The following MAP3K7CL variants were observed in gnomAD, a reference collection of about 807,000 sequenced individuals.
MAP3K7CL encodes MAP3K7 C-terminal like.
MAP3K7CL carries 16 observed loss-of-function variants against 18.6 expected under a neutral mutation model. That is an observed-to-expected ratio of 0.86 (90% CI 0.58 to 1.31). MAP3K7CL has a LOEUF of 1.31. Ranked by LOEUF, MAP3K7CL falls within the 50% of genes most tolerant of loss-of-function variation. MAP3K7CL has a pLI of 0.00. For missense variants in MAP3K7CL, 163 were observed against 174.4 expected, an observed-to-expected ratio of 0.93 and a Z score of 0.37; for synonymous variants, 65 against 66.8, an observed-to-expected ratio of 0.97 and a Z score of 0.13.
intron 4 of MAP3K7CL, among the ~76,000 whole-genome samples, chr21:29,114,582 G>A (rs2086474330): frequency 6.6e-6 from 1 of 151,802 alleles, no homozygotes; most frequent in African/African-American, 2.4e-5. Flanking sequence ...GTAGAGACAG[G>A]TTCTTGCTAT....
In MAP3K7CL at chr21:29,174,580, G is replaced by A. The variant is rs142614316; in HGVS notation, c.249-132G>A. 2.4e-3 allele frequency: 2,678 copies of A among 1,100,824 alleles called. 80 individuals carry two copies. In the South Asian group the frequency reaches 0.028, roughly 11 times the overall value. The allele number at this position is 1,100,824 out of a possible 1,614,324, so 68.2% of individuals were successfully genotyped here. On this transcript the variant is annotated intron_variant, in intron 4 of 4. Coordinates refer to ENST00000399928, the MANE Select transcript of MAP3K7CL (RefSeq NM_001286620.2). Reference sequence around the variant, plus strand: ...AGCTGGACAAATAAAAGTCATTGGAGGCAAGTAGAGATGGGAAAAAATTCA... The same window carrying A: ...AGCTGGACAAATAAAAGTCATTGGAAGCAAGTAGAGATGGGAAAAAATTCA...
Position 29,155,017 on chromosome 21 carries a change from G to T in MAP3K7CL, c.133-4924G>T, listed in dbSNP as rs116408829. ...AATGACTTAAATATACTTTACTCCA[G>T]TGTAACATGATGTATAAGTTCTGTA... is the stretch of plus-strand genomic sequence containing the variant. On this transcript the variant is annotated intron_variant, in intron 3 of 4. Coordinates refer to ENST00000399928, the MANE Select transcript of MAP3K7CL (RefSeq NM_001286620.2). Among the ~76,000 whole-genome samples, 487 of 152,222 alleles carry T rather than the reference G, an allele frequency of 3.2e-3. 1 individual carries two copies. The highest frequency in any genetic ancestry group is 0.011 in the African/African-American group (441 of 41,530).
chr21:29,173,818 C>T (rs1007135918), intron 4 of MAP3K7CL, among the ~76,000 whole-genome samples: 6 of 152,198 alleles, frequency 3.9e-5, no homozygotes, highest in Non-Finnish European at 8.8e-5. Context: ...CCTCCTGCCA[C>T]AGCCTCCCGA....
intron 4 of MAP3K7CL, chr21:29,109,584 A>G: frequency 2.0e-6 from 2 of 1,012,012 alleles, no homozygotes; most frequent in Non-Finnish European, 1.2e-6. Context: ...TAAACTGCAC[A>G]TTTAATGTAA....
At chr21:29,112,602 G>A (rs1199362725) in intron 4 of MAP3K7CL, among the ~76,000 whole-genome samples, 1 of 151,478 alleles carries the variant, frequency 6.6e-6, no homozygotes, top group Non-Finnish European at 1.5e-5. Context: ...ATCAAGTTCA[G>A]TTTCTTTCTT....
chr21:29,165,129 A>G (rs2087653140), intron 4 of MAP3K7CL, among the ~76,000 whole-genome samples: 1 of 152,212 alleles, frequency 6.6e-6, no homozygotes, highest in South Asian at 2.1e-4. Context: ...AAAGTATATT[A>G]TTAAGCTACA....
chr21:29,137,287 C>A (rs776225166), intron 2 of MAP3K7CL, among the ~76,000 whole-genome samples: 1 of 152,142 alleles, frequency 6.6e-6, no homozygotes, highest in Non-Finnish European at 1.5e-5. Context: ...TCCTATTTTA[C>A]CTCTGGGCAA....
chr21:29,101,543 G>A (rs2086230392), intron 4 of MAP3K7CL, among the ~76,000 whole-genome samples: 1 of 152,094 alleles, frequency 6.6e-6, no homozygotes, highest in South Asian at 2.1e-4. Context: ...TGAGTAGTTG[G>A]GACTACAGGC....
chr21:29,159,136 G>T (rs2087479580), intron 3 of MAP3K7CL, among the ~76,000 whole-genome samples: 1 of 152,112 alleles, frequency 6.6e-6, no homozygotes, highest in Non-Finnish European at 1.5e-5. Flanking sequence ...GACCAGGCTG[G>T]TCTCGAATGC....
At chr21:29,162,678 T>G (rs954921451) in intron 4 of MAP3K7CL, among the ~76,000 whole-genome samples, 1 of 127,988 alleles carries the variant, frequency 7.8e-6, no homozygotes, top group Non-Finnish European at 1.6e-5. Context: ...AGCAAAACTC[T>G]GTCTCAAAAA....
chr21:29,101,500 C>T (rs1358743843), intron 4 of MAP3K7CL, among the ~76,000 whole-genome samples: 9 of 152,192 alleles, frequency 5.9e-5, no homozygotes, highest in Admixed American at 2.0e-4. Context: ...AGCTCCACCT[C>T]CCGGATTCAG....
At chr21:29,110,386 G>T (rs7278227) in intron 4 of MAP3K7CL, among the ~76,000 whole-genome samples, 3 of 151,430 alleles carry the variant, frequency 2.0e-5, no homozygotes, top group Non-Finnish European at 1.5e-5. Flanking sequence ...CTGTTGCTCC[G>T]TTTTTTATCT....
intron 2 of MAP3K7CL, chr21:29,139,463 CCGAAGTAATCTTCGGAT>C: frequency 6.6e-6 from 1 of 152,312 alleles, no homozygotes; most frequent in Admixed American, 6.5e-5. Flanking sequence ...TCCTCAGGAT[CCGAAGTAATCTTCGGAT>C]CTAGTAATCT....
chr21:29,111,623 T>A (rs1485504810), intron 4 of MAP3K7CL, among the ~76,000 whole-genome samples: 3 of 152,144 alleles, frequency 2.0e-5, no homozygotes, highest in African/African-American at 7.2e-5. Flanking sequence ...TAATCCCCCT[T>A]AAGTCCAGGC....
rs1303867160 is a variant in MAP3K7CL at position 29,133,289 on chromosome 21, C to G, written c.-39-17C>G. ...GATGCTGGATAAAGTGACAATGGCT[C>G]TCTCTTGCTGTCACAGCTGGAAGAC... is the stretch of plus-strand genomic sequence containing the variant. On this transcript the variant is annotated splice_polypyrimidine_tract_variant and intron_variant, in intron 1 of 4. Coordinates refer to ENST00000399928, the MANE Select transcript of MAP3K7CL (RefSeq NM_001286620.2). The G allele has an allele frequency of 1.9e-6, 3 of 1,542,524 alleles. No individual in the cohort carries two copies. Among genetic ancestry groups the G allele is most frequent in the Non-Finnish European group, 2.6e-6 (3 of 1,140,240 alleles).
intron 3 of MAP3K7CL, among the ~76,000 whole-genome samples, chr21:29,157,889 TTTACACGGCTGCTCTCTATG>T (rs1480271670): frequency 1.3e-5 from 2 of 152,244 alleles, no homozygotes; most frequent in African/African-American, 4.8e-5. Context: ...CATATCTCCC[TTTACACGGCTGCTCTCTATG>T]TTATCTTAAA....
At chr21:29,109,240 G>C in intron 4 of MAP3K7CL, 1 of 1,535,102 alleles carries the variant, frequency 6.5e-7, no homozygotes, top group Non-Finnish European at 8.7e-7. Context: ...CGAGGAAGAA[G>C]AAATTCCATA....
At chr21:29,159,847 A>G (rs981558129) in intron 3 of MAP3K7CL, 94 bp from the exon 4 acceptor site, 13 of 914,704 alleles carry the variant, frequency 1.4e-5, no homozygotes, top group East Asian at 2.4e-5. Context: ...AGAAGAAGAA[A>G]AAACCTTCGT....
intron 4 of MAP3K7CL, among the ~76,000 whole-genome samples, chr21:29,123,097 T>C (rs1333005725): frequency 6.7e-6 from 1 of 149,830 alleles, no homozygotes; most frequent in Admixed American, 6.7e-5. Flanking sequence ...AGTTTTGCTC[T>C]TGTTGCCCAG....
Sources: allele counts gnomAD v4.1 joint callset (sites outside exome capture counted in the v4.1 genomes callset), GRCh38; gene constraint gnomAD v4.1.1; transcripts MANE v1.5; gene names NCBI Gene and HGNC (gene_info 2026-07-23, HGNC 2026-07-21).